The following PTPN21 variants were observed in gnomAD, a reference collection of about 807,000 sequenced individuals.
PTPN21 encodes tyrosine-protein phosphatase non-receptor type 21.
Under a neutral mutation model 131.8 loss-of-function variants are expected in PTPN21, and 77 were observed. That is an observed-to-expected ratio of 0.58 (90% confidence interval 0.49 to 0.71). The LOEUF is 0.71. Ranked by LOEUF, PTPN21 falls within the 30% of genes least tolerant of loss-of-function variation. The pLI is 0.00. For missense variants in PTPN21, 1,552 were observed against 1,527.1 expected, an observed-to-expected ratio of 1.02 and a Z score of -0.27; for synonymous variants, 715 against 621.3, an observed-to-expected ratio of 1.15 and a Z score of -2.24.
chr14:88,504,573 A>G, intron 5 of PTPN21, 78 bp from the exon 6 acceptor site: 2 of 1,211,088 alleles, frequency 1.7e-6, no homozygotes, highest in Non-Finnish European at 2.5e-6. Flanking sequence ...TTGACTGTTA[A>G]TGACTCTCGT....
At chr14:88,487,008 G>A (rs1335290041) in intron 10 of PTPN21, among the ~76,000 whole-genome samples, 16 of 146,982 alleles carry the variant, frequency 1.1e-4, no homozygotes, top group Non-Finnish European at 1.8e-4. Flanking sequence ...GTACCTAAAC[G>A]TATTAGGGAG....
chr14:88,528,575 G>A (rs1327398044), intron 2 of PTPN21, among the ~76,000 whole-genome samples: 3 of 152,218 alleles, frequency 2.0e-5, no homozygotes, highest in African/African-American at 7.2e-5. Context: ...CGTTGTGGGA[G>A]GGACCTGGTG....
chr14:88,527,513 T>C (rs1011509819), intron 2 of PTPN21, among the ~76,000 whole-genome samples: 1 of 152,234 alleles, frequency 6.6e-6, no homozygotes, highest in Non-Finnish European at 1.5e-5. Flanking sequence ...TATTTGTTCT[T>C]TTCTCACTGC....
intron 2 of PTPN21, among the ~76,000 whole-genome samples, chr14:88,520,899 A>G (rs953841162): frequency 2.0e-5 from 3 of 152,164 alleles, no homozygotes; most frequent in African/African-American, 7.2e-5. Context: ...GCGGGAGTGT[A>G]CTGACATGAT....
chr14:88,504,384 T>A (rs1195477484), intron 6 of PTPN21, 41 bp downstream of exon 6: 1 of 1,349,410 alleles, frequency 7.4e-7, no homozygotes. Flanking sequence ...CAAGCAGACA[T>A]TGGTTCTATG....
At chr14:88,490,903 T>C (rs2077813371) in intron 10 of PTPN21, among the ~76,000 whole-genome samples, 1 of 152,182 alleles carries the variant, frequency 6.6e-6, no homozygotes, top group Non-Finnish European at 1.5e-5. Context: ...GGGAGCCACC[T>C]ACACCAAGGG....
intron 2 of PTPN21, among the ~76,000 whole-genome samples, chr14:88,532,315 T>C (rs1400579783): frequency 6.6e-6 from 1 of 151,532 alleles, no homozygotes; most frequent in Non-Finnish European, 1.5e-5. Context: ...CAAGTACAGA[T>C]ATTTTCAGCT....
At chr14:88,513,752 C>CA (rs1369904974) in intron 3 of PTPN21, 2 of 152,176 alleles carry the variant, frequency 1.3e-5, no homozygotes, top group Non-Finnish European at 2.9e-5. Flanking sequence ...TACGGCAGCC[C>CA]ATGCTAAGAT....
intron 2 of PTPN21, among the ~76,000 whole-genome samples, chr14:88,530,080 T>G (rs1420998387): frequency 6.6e-6 from 1 of 152,132 alleles, no homozygotes; most frequent in Non-Finnish European, 1.5e-5. Context: ...AGCAGATTTC[T>G]CAGCAGAAAC....
At chr14:88,526,957 C>A (rs1473537926) in intron 2 of PTPN21, among the ~76,000 whole-genome samples, 1 of 152,160 alleles carries the variant, frequency 6.6e-6, no homozygotes, top group Non-Finnish European at 1.5e-5. Context: ...TCTCCAACTC[C>A]ATCTAGGTTG....
intron 2 of PTPN21, among the ~76,000 whole-genome samples, chr14:88,542,672 T>A (rs2078723162): frequency 6.6e-6 from 1 of 152,252 alleles, no homozygotes; most frequent in South Asian, 2.1e-4. Context: ...CATGTTTGTA[T>A]GTGTAATTTC....
At chr14:88,484,982 GC>G in intron 12 of PTPN21, 93 bp downstream of exon 12, 1 of 1,072,522 alleles carries the variant, frequency 9.3e-7, no homozygotes, top group South Asian at 1.3e-5. Context: ...TGCAACTTCA[GC>G]CAAAAACTGT....
At chr14:88,552,097 C>T (rs1566858936) in intron 1 of PTPN21, 1 of 152,230 alleles carries the variant, frequency 6.6e-6, no homozygotes, top group African/African-American at 2.4e-5. Context: ...GATCTATTCC[C>T]GACCCTCTCA....
chr14:88,475,309 A>C (rs2077534222), intron 13 of PTPN21, among the ~76,000 whole-genome samples: 1 of 152,188 alleles, frequency 6.6e-6, no homozygotes, highest in Non-Finnish European at 1.5e-5. Flanking sequence ...AAAAATCCTA[A>C]AAGATTGCTG....
At chr14:88,487,035 T>C (rs1336974134) in intron 10 of PTPN21, among the ~76,000 whole-genome samples, 1 of 148,010 alleles carries the variant, frequency 6.8e-6, no homozygotes, top group Non-Finnish European at 1.5e-5. Context: ...CAAACACTAA[T>C]GTGATAATGT....
At chr14:88,505,420 C>A in intron 4 of PTPN21, 49 bp from the exon 5 acceptor site, 1 of 1,314,222 alleles carries the variant, frequency 7.6e-7, no homozygotes, top group Non-Finnish European at 1.1e-6. Flanking sequence ...AATTTCATTG[C>A]AAAATATGCA....
At chr14:88,506,163 A>T (rs1378777097) in intron 4 of PTPN21, among the ~76,000 whole-genome samples, 3 of 151,942 alleles carry the variant, frequency 2.0e-5, no homozygotes, top group Non-Finnish European at 4.4e-5. Context: ...ACATAGCAAG[A>T]CCCTATCTCT....
chr14:88,520,064 A>G (rs543103106), intron 2 of PTPN21, among the ~76,000 whole-genome samples: 1 of 152,242 alleles, frequency 6.6e-6, no homozygotes, highest in South Asian at 2.1e-4. Flanking sequence ...TTAAAGTTTG[A>G]TAACTTTGCA....
chr14:88,517,218 C>T lies in PTPN21; in HGVS notation c.224G>A (p.Arg75His), dbSNP rs749356125. ...SLWYYNKQNQ[R>H]RWVDLEKPLK... ...AGGTTTTTCCAAATCTACCCACCGG[C>T]GCTGATTTTGCTTGTTGTAGTACCA... The change falls in exon 3 of 19, where the codon CGC becomes CAC. Residue 75 changes from arginine (R) to histidine (H), a missense_variant. Physicochemically the swap from Arg to His is conservative, Grantham distance 29. Transcript: ENST00000556564. 3.2e-5 allele frequency: 52 copies of T among 1,613,916 alleles called. No individual in the cohort carries two copies. The highest frequency in any genetic ancestry group is 5.0e-5 in the Admixed American group (3 of 59,988).
Sources: gnomAD v4.1 joint callset for allele counts (sites outside exome capture counted in the v4.1 genomes callset) on GRCh38, gnomAD v4.1.1 for gene constraint, MANE v1.5 for transcripts, NCBI Gene and HGNC (gene_info 2026-07-23, HGNC 2026-07-21) for gene names.